SHISA9: variants seen among roughly 807,000 people sequenced by gnomAD.
SHISA9 encodes the protein protein shisa-9.
Under a neutral mutation model 38.0 loss-of-function variants are expected in SHISA9, and 13 were observed. The observed-to-expected ratio is 0.34, with a 90% CI of 0.22 to 0.54. SHISA9 has a LOEUF of 0.54. Ranked by LOEUF, SHISA9 falls within the 20% of genes least tolerant of loss-of-function variation. SHISA9 has a pLI of 0.91. For missense variants in SHISA9, 538 were observed against 575.8 expected (o/e 0.93, Z 0.67); for synonymous variants, 275 against 242.0 (o/e 1.14, Z -1.27).
chr16:13,302,526 C>T, the SHISA9 span, among the ~76,000 whole-genome samples: 1 of 152,300 alleles, frequency 6.6e-6, no homozygotes, highest in Middle Eastern at 3.4e-3. Context: ...CATGATATGA[C>T]TATGGGATAC....
At chr16:13,412,468 C>T in the SHISA9 span, among the ~76,000 whole-genome samples, 1 of 152,108 alleles carries the variant, frequency 6.6e-6, no homozygotes, top group Non-Finnish European at 1.5e-5. Context: ...TCCCTTCCTT[C>T]CCTCCCCTCC....
intron 2 of SHISA9, among the ~76,000 whole-genome samples, chr16:13,153,333 A>G (rs561913974): frequency 1.1e-4 from 16 of 152,240 alleles, no homozygotes; most frequent in East Asian, 5.8e-4. Flanking sequence ...GTTTGTTTCT[A>G]TATTGGATTT....
At chr16:13,036,597 T>C (rs1046891859) in intron 2 of SHISA9, among the ~76,000 whole-genome samples, 1 of 152,166 alleles carries the variant, frequency 6.6e-6, no homozygotes, top group African/African-American at 2.4e-5. Context: ...AAATGTACAA[T>C]TAAAATGCAT....
chr16:13,388,624 T>C, the SHISA9 span, among the ~76,000 whole-genome samples: 2 of 152,162 alleles, frequency 1.3e-5, no homozygotes, highest in Admixed American at 1.3e-4. Context: ...GACAGTCTTT[T>C]GTTTGAAAAT....
At chr16:12,944,398 G>A (rs570350227) in intron 2 of SHISA9, among the ~76,000 whole-genome samples, 1 of 152,310 alleles carries the variant, frequency 6.6e-6, no homozygotes, top group East Asian at 1.9e-4. Context: ...TTGACAGTCA[G>A]TCAATACATG....
intron 2 of SHISA9, among the ~76,000 whole-genome samples, chr16:13,161,894 T>C (rs1051537714): frequency 6.6e-6 from 1 of 152,222 alleles, no homozygotes; most frequent in Admixed American, 6.5e-5. Context: ...TTGCTGAAAG[T>C]TTTTTATTGG....
the SHISA9 span, among the ~76,000 whole-genome samples, chr16:13,373,697 G>A: frequency 7.3e-5 from 11 of 150,954 alleles, no homozygotes; most frequent in African/African-American, 2.2e-4. Flanking sequence ...AGGAGGCAGA[G>A]GTTGCAGTGA....
At chr16:13,142,032 A>C (rs1313361492) in intron 2 of SHISA9, among the ~76,000 whole-genome samples, 1 of 152,230 alleles carries the variant, frequency 6.6e-6, no homozygotes, top group East Asian at 1.9e-4. Context: ...CGCACTGCAC[A>C]AGTTGAAATA....
chr16:13,066,152 C>T (rs2073432245), intron 2 of SHISA9, among the ~76,000 whole-genome samples: 1 of 152,148 alleles, frequency 6.6e-6, no homozygotes, highest in Non-Finnish European at 1.5e-5. Flanking sequence ...ATGGTGATAA[C>T]ACTGAGATGG....
the SHISA9 span, among the ~76,000 whole-genome samples, chr16:13,476,750 T>TG: frequency 1.1e-4 from 15 of 130,822 alleles, no homozygotes; most frequent in East Asian, 8.5e-4. Context: ...TTTTTTTTTT[T>TG]TTTTTTTTTT....
chr16:13,303,880 C>G, the SHISA9 span, among the ~76,000 whole-genome samples: 6 of 152,274 alleles, frequency 3.9e-5, no homozygotes, highest in South Asian at 1.2e-3. Context: ...TCAATAAATG[C>G]ATTTCCCTTC....
chr16:13,541,541 AT>A, the SHISA9 span, among the ~76,000 whole-genome samples: 9 of 152,280 alleles, frequency 5.9e-5, no homozygotes, highest in Non-Finnish European at 1.2e-4. Context: ...CAGAATCTCC[AT>A]TTTAGAGTGC....
the SHISA9 span, among the ~76,000 whole-genome samples, chr16:13,377,605 C>T: frequency 6.6e-6 from 1 of 152,338 alleles, no homozygotes; most frequent in South Asian, 2.1e-4. Context: ...ACGTGGTTCT[C>T]TTGGCACAAA....
At chr16:13,257,207 C>G in the SHISA9 span, among the ~76,000 whole-genome samples, 1 of 152,198 alleles carries the variant, frequency 6.6e-6, no homozygotes, top group Non-Finnish European at 1.5e-5. Context: ...ACAAGCTTTT[C>G]TTTCTAGCAC....
intron 2 of SHISA9, among the ~76,000 whole-genome samples, chr16:13,129,212 G>A (rs1596668418): frequency 6.6e-6 from 1 of 152,164 alleles, no homozygotes; most frequent in African/African-American, 2.4e-5. Flanking sequence ...AGAAAATTTT[G>A]TGGATTAATT....
downstream of SHISA9, among the ~76,000 whole-genome samples, chr16:13,241,884 TTGG>T (rs1372373312): frequency 6.6e-6 from 1 of 152,176 alleles, no homozygotes; most frequent in Non-Finnish European, 1.5e-5. Flanking sequence ...ACTTGGAAAC[TTGG>T]TGGCTGGAGT....
the SHISA9 span, among the ~76,000 whole-genome samples, chr16:13,316,533 A>T: frequency 6.6e-6 from 1 of 152,170 alleles, no homozygotes; most frequent in South Asian, 2.1e-4. Flanking sequence ...GGAAACCATC[A>T]TTCCTGATAT....
intron 2 of SHISA9, among the ~76,000 whole-genome samples, chr16:13,118,363 T>C (rs2074051775): frequency 6.6e-6 from 1 of 152,010 alleles, no homozygotes; most frequent in African/African-American, 2.4e-5. Context: ...AGCTGAGCCC[T>C]AAAGAGCAAG....
At chr16:13,192,452 A>T (rs1325458006) in intron 2 of SHISA9, among the ~76,000 whole-genome samples, 1 of 152,106 alleles carries the variant, frequency 6.6e-6, no homozygotes, top group Non-Finnish European at 1.5e-5. Flanking sequence ...GGAATCGTTA[A>T]CCAAGCACAA....
Sources: gnomAD v4.1 joint callset for allele counts (sites outside exome capture counted in the v4.1 genomes callset) on GRCh38, gnomAD v4.1.1 for gene constraint, MANE v1.5 for transcripts, NCBI Gene and HGNC (gene_info 2026-07-23, HGNC 2026-07-21) for gene names.